Variants in EXPH5 observed in about 807,000 individuals in gnomAD.
The protein encoded by EXPH5 is exophilin-5.
A neutral mutation model predicts 41.1 loss-of-function variants in EXPH5; 42 were observed. The ratio of observed to expected loss-of-function variants is 1.02; its 90% CI spans 0.80 to 1.32. The LOEUF is 1.32. Among genes scored for constraint, EXPH5 ranks in the 40% most tolerant of loss-of-function variants. The probability of loss-of-function intolerance (pLI) is 0.00; values close to 1 mark genes in which losing one functional copy is unlikely to be tolerated. For synonymous variants in EXPH5, 798 were observed against 833.5 expected, an observed-to-expected ratio of 0.96 and a Z score of 0.73; for missense variants, 2,298 against 2,314.5, an observed-to-expected ratio of 0.99 and a Z score of 0.15.
chr11:108,510,470 G>T lies in EXPH5; in HGVS notation c.5037C>A (p.Pro1679=), dbSNP rs144076188. The T allele has an allele frequency of 6.9e-5, 111 of 1,613,970 alleles. No individual in the cohort carries two copies. In the African/African-American group the frequency reaches 1.3e-3, roughly 19 times the overall value. ...TGACGTGTGTAGAAGGTTCTCTGTT[G>T]GGTAGTACAGTAATGGGGAGAAGGT... The part of the protein sequence containing the change: ...SENLLPITVL[P]NREPSTHVSN... The change falls in exon 6 of 6, where the codon CCC becomes CCA. Residue 1679 remains proline, a synonymous_variant. Coordinates refer to ENST00000265843, the MANE Select transcript of EXPH5 (RefSeq NM_015065.3).
At chr11:108,543,154 T>A (rs113311873) in intron 1 of EXPH5, among the ~76,000 whole-genome samples, 5 of 152,324 alleles carry the variant, frequency 3.3e-5, no homozygotes, top group African/African-American at 1.2e-4. Flanking sequence ...AGCGCACAAA[T>A]GTGTCTGCCC....
chr11:108,548,813 C>T (rs916859105), intron 1 of EXPH5, among the ~76,000 whole-genome samples: 1 of 152,116 alleles, frequency 6.6e-6, no homozygotes, highest in Non-Finnish European at 1.5e-5. Flanking sequence ...AATCAGTGGT[C>T]TAGATTCATT....
In EXPH5 at chr11:108,511,142, T is replaced by C; in HGVS notation, c.4365A>G (p.Pro1455=). 1 of 1,613,744 alleles carries C rather than the reference T, an allele frequency of 6.2e-7. No homozygotes were observed. The highest frequency in any genetic ancestry group is 8.5e-7 in the Non-Finnish European group (1 of 1,179,846). Residue 1455 remains proline (P), a synonymous_variant, in exon 6 of 6, where the codon CCA becomes CCG. Transcript: ENST00000265843. The part of the protein sequence containing the change: ...WECTGSGRAI[P]FTGSGKCPQK... The stretch of plus-strand genomic sequence containing the variant: ...GGGGACACTTGCCACTTCCAGTAAA[T>C]GGAATGGCTCTACCACTCCCTGTAC...
At position 108,510,942 on chromosome 11, in the gene EXPH5, T is replaced by G. The variant is rs2093675876; in HGVS notation, c.4565A>C (p.Glu1522Ala). 5 of 1,614,118 alleles carry G rather than the reference T, an allele frequency of 3.1e-6. No homozygotes were observed. Among genetic ancestry groups the G allele is most frequent in the Non-Finnish European group, 4.2e-6 (5 of 1,179,984 alleles). Residue 1522 changes from glutamate to alanine, a missense_variant, in exon 6 of 6, where the codon GAG becomes GCG. Coordinates refer to ENST00000265843, the MANE Select transcript of EXPH5 (RefSeq NM_015065.3). Reference protein sequence around the residue: ...PALHKLQLGEETQSDEPNLES... With the variant: ...PALHKLQLGEATQSDEPNLES... ...TAAGTTTGGTTCATCTGACTGAGTC[T>G]CCTCACCAAGCTGTAGTTTATGCAA...
chr11:108,599,358 C>T, the EXPH5 span, among the ~76,000 whole-genome samples: 1 of 152,090 alleles, frequency 6.6e-6, no homozygotes, highest in East Asian at 1.9e-4. Context: ...AAAGTTCTTT[C>T]TCATGTATGC....
chr11:108,575,083 C>T (rs1783828388), intron 1 of EXPH5, among the ~76,000 whole-genome samples: 1 of 152,148 alleles, frequency 6.6e-6, no homozygotes, highest in Non-Finnish European at 1.5e-5. Context: ...TACAGATCCT[C>T]ATATATAAAT....
chr11:108,540,906 T>G (rs946949650), intron 2 of EXPH5, among the ~76,000 whole-genome samples: 1 of 140,932 alleles, frequency 7.1e-6, no homozygotes, highest in Non-Finnish European at 1.5e-5. Flanking sequence ...AATATTCTAT[T>G]ATTTTTTTTT....
chr11:108,551,001 C>T (rs2093961856), intron 1 of EXPH5, among the ~76,000 whole-genome samples: 1 of 152,184 alleles, frequency 6.6e-6, no homozygotes, highest in South Asian at 2.1e-4. Flanking sequence ...GCCAAACACC[C>T]TGTCTTCGGG....
intron 2 of EXPH5, among the ~76,000 whole-genome samples, chr11:108,539,850 A>G (rs528885384): frequency 1.1e-4 from 16 of 152,322 alleles, no homozygotes; most frequent in African/African-American, 3.6e-4. Flanking sequence ...TGGGATGCTC[A>G]ACTTTTCAGC....
In EXPH5 at chr11:108,507,337, A is replaced by G. The variant is rs1282394587; in HGVS notation, c.*2200T>C. On this transcript the variant is annotated 3_prime_UTR_variant, in exon 6 of 6. Transcript: ENST00000265843. ...CAACATAGTTCTTTCTTAACTCTCT[A>G]TCAGTTCCAGATCTCTATACACTTC... 3.9e-5 allele frequency: 6 copies of G among 152,238 alleles called. No individual in the cohort carries two copies. Among genetic ancestry groups the G allele is most frequent in the Non-Finnish European group, 4.4e-5 (3 of 68,038 alleles). 9.4% of individuals were successfully genotyped at this position (152,238 alleles called of 1,614,324 possible). A position where few individuals can be genotyped will look rare whatever the true frequency, so the allele number is the denominator to read the frequency against.
At position 108,510,717 on chromosome 11, in the gene EXPH5, G is replaced by A. The variant is rs775801856; in HGVS notation, c.4790C>T (p.Ala1597Val). Residue 1597 changes from alanine (A) to valine (V), a missense_variant, in exon 6 of 6, where the codon GCC (alanine) becomes GTC (valine). Transcript: ENST00000265843. Reference protein sequence around the residue: ...NRSSVKHRLAAMSKASRKFPA... With the variant: ...NRSSVKHRLAVMSKASRKFPA... ...GAATTTTCTGCTGGCTTTAGACATGGCTGCCAATCTGTGTTTAACTGAAGA... is the reference window on the plus strand; with the variant it reads ...GAATTTTCTGCTGGCTTTAGACATGACTGCCAATCTGTGTTTAACTGAAGA... The A allele has an allele frequency of 1.2e-6, 2 of 1,614,194 alleles. No homozygotes were observed. The highest frequency in any genetic ancestry group is 1.7e-6 in the Non-Finnish European group (2 of 1,180,028).
In EXPH5 at chr11:108,512,956, A is replaced by C. The variant is rs1479725124; in HGVS notation, c.2551T>G (p.Ser851Ala). The C allele has an allele frequency of 6.2e-7, 1 of 1,612,922 alleles. No homozygotes were observed. The highest frequency in any genetic ancestry group is 1.1e-5 in the South Asian group (1 of 90,752). The change falls in exon 6 of 6, where the codon TCT (serine) becomes GCT (alanine). Residue 851 changes from serine (S) to alanine (A), a missense_variant. Coordinates refer to ENST00000265843, the MANE Select transcript of EXPH5 (RefSeq NM_015065.3). The stretch of plus-strand genomic sequence containing the variant: ...GCATTTTGAGTATCAGTCAGTGCAG[A>C]GCTCCAGTGGTTATTTGTAATAATT... Reference protein sequence around the residue: ...SRIITNNHWSSALTDTQNAQY... With the variant: ...SRIITNNHWSAALTDTQNAQY...
chr11:108,569,043 T>C (rs992301623), intron 1 of EXPH5, among the ~76,000 whole-genome samples: 1 of 152,134 alleles, frequency 6.6e-6, no homozygotes, highest in African/African-American at 2.4e-5. Flanking sequence ...CCCAGCTCAC[T>C]CTTTTGCTTG....
chr11:108,548,661 A>G (rs183255926), intron 1 of EXPH5, among the ~76,000 whole-genome samples: 161 of 152,318 alleles, frequency 1.1e-3, no homozygotes, highest in Admixed American at 3.1e-3. Context: ...AAACGATGAC[A>G]TAAAAGTCTA....
At chr11:108,541,901 G>A in intron 1 of EXPH5, 89 bp from the exon 2 acceptor site, 2 of 1,068,544 alleles carry the variant, frequency 1.9e-6, no homozygotes, top group Non-Finnish European at 2.6e-6. Flanking sequence ...TTTTTGATAT[G>A]GGGGTCTCAT....
At chr11:108,567,470 T>C (rs1177172044) in intron 1 of EXPH5, among the ~76,000 whole-genome samples, 1 of 152,162 alleles carries the variant, frequency 6.6e-6, no homozygotes, top group African/African-American at 2.4e-5. Flanking sequence ...CTTTCTCTTC[T>C]CCAAAACCCT....
chr11:108,600,370 C>T, the EXPH5 span, among the ~76,000 whole-genome samples: 4 of 152,022 alleles, frequency 2.6e-5, no homozygotes, highest in African/African-American at 9.7e-5. Context: ...TATCTCTGTG[C>T]ATTTTAAAGA....
At chr11:108,541,144 A>C (rs1325538956) in intron 2 of EXPH5, among the ~76,000 whole-genome samples, 1 of 152,042 alleles carries the variant, frequency 6.6e-6, no homozygotes, top group African/African-American at 2.4e-5. Flanking sequence ...AGCTTAAGTG[A>C]TCCTCCTGCC....
At chr11:108,595,964 G>A (rs866066250), upstream of EXPH5, among the ~76,000 whole-genome samples, 13 of 152,300 alleles carry the variant, frequency 8.5e-5, no homozygotes, top group South Asian at 1.0e-3. Context: ...CACTTTGGGA[G>A]GCGGAGGCGG....
Sources: allele counts gnomAD v4.1 joint callset (sites outside exome capture counted in the v4.1 genomes callset), GRCh38; gene constraint gnomAD v4.1.1; transcripts MANE v1.5; gene names NCBI Gene and HGNC (gene_info 2026-07-23, HGNC 2026-07-21).